Variants in SEMA6D observed in about 807,000 individuals in gnomAD.
SEMA6D encodes semaphorin-6D.
A neutral mutation model predicts 106.6 loss-of-function variants in SEMA6D; 35 were observed. The ratio of observed to expected loss-of-function variants is 0.33; its 90% CI spans 0.25 to 0.44. SEMA6D has a LOEUF of 0.44. SEMA6D is among the 20% of genes least tolerant of loss of function. SEMA6D has a pLI of 1.00. For missense variants in SEMA6D, 1,185 were observed against 1,345.9 expected, an observed-to-expected ratio of 0.88 and a Z score of 1.87; for synonymous variants, 499 against 487.7, an observed-to-expected ratio of 1.02 and a Z score of -0.31.
At chr15:47,276,639 A>G (rs138453331) in intron 1 of SEMA6D, among the ~76,000 whole-genome samples, 2,598 of 152,276 alleles carry the variant, frequency 0.017, 49 homozygotes, top group African/African-American at 0.02. Context: ...TCACTTCAAA[A>G]TATTACTGTT....
At chr15:47,513,766 C>T (rs1312069394) in intron 3 of SEMA6D, among the ~76,000 whole-genome samples, 8 of 152,132 alleles carry the variant, frequency 5.3e-5, no homozygotes, top group African/African-American at 1.4e-4. Context: ...TTCAGGATAC[C>T]GAACCAGTCA....
intron 1 of SEMA6D, among the ~76,000 whole-genome samples, chr15:47,312,231 T>C (rs1178394234): frequency 1.3e-5 from 2 of 151,826 alleles, no homozygotes; most frequent in African/African-American, 4.8e-5. Flanking sequence ...CCTTCTGTCT[T>C]TTTGTGTTTA....
At chr15:47,212,290 G>T (rs1265610088) in intron 1 of SEMA6D, among the ~76,000 whole-genome samples, 1 of 152,170 alleles carries the variant, frequency 6.6e-6, no homozygotes, top group Non-Finnish European at 1.5e-5. Context: ...CTGCTATTGG[G>T]TGGTATCTAT....
intron 1 of SEMA6D, among the ~76,000 whole-genome samples, chr15:47,401,307 G>A (rs916134669): frequency 2.0e-5 from 3 of 152,062 alleles, no homozygotes; most frequent in Non-Finnish European, 2.9e-5. Context: ...ATTTTTGAAT[G>A]TTTGACGTGT....
intron 2 of SEMA6D, among the ~76,000 whole-genome samples, chr15:47,463,403 C>T (rs1313067324): frequency 6.6e-6 from 1 of 152,160 alleles, no homozygotes; most frequent in Non-Finnish European, 1.5e-5. Flanking sequence ...TTCGTATAGC[C>T]CTGACTGCAT....
chr15:47,673,970 C>T (rs2145445091), intron 4 of SEMA6D, among the ~76,000 whole-genome samples: 1 of 152,290 alleles, frequency 6.6e-6, no homozygotes, highest in East Asian at 1.9e-4. Context: ...ATGTCATTGT[C>T]TCCTATCTGA....
chr15:47,276,147 A>G (rs753587690), intron 1 of SEMA6D, among the ~76,000 whole-genome samples: 7 of 152,126 alleles, frequency 4.6e-5, no homozygotes, highest in Non-Finnish European at 1.0e-4. Context: ...GCTCATGAGT[A>G]TTAAAGAACC....
At chr15:47,602,618 C>T (rs958866626) in intron 4 of SEMA6D, among the ~76,000 whole-genome samples, 2 of 151,934 alleles carry the variant, frequency 1.3e-5, no homozygotes, top group Non-Finnish European at 2.9e-5. Flanking sequence ...TCAGGCCACA[C>T]AACATCATTA....
chr15:47,729,781 A>C (rs1286438639), intron 1 of SEMA6D, among the ~76,000 whole-genome samples: 1 of 152,210 alleles, frequency 6.6e-6, no homozygotes, highest in Non-Finnish European at 1.5e-5. Flanking sequence ...ACACTTAGCT[A>C]ATCTCTGGTT....
chr15:47,316,089 T>C (rs2036659999), intron 1 of SEMA6D, among the ~76,000 whole-genome samples: 1 of 116,920 alleles, frequency 8.6e-6, no homozygotes, highest in African/African-American at 2.9e-5. Flanking sequence ...CCAATCAGTA[T>C]GCCATTTATT....
chr15:47,256,632 G>A (rs545688955), intron 1 of SEMA6D, among the ~76,000 whole-genome samples: 33 of 152,226 alleles, frequency 2.2e-4, no homozygotes, highest in Admixed American at 5.2e-4. Flanking sequence ...AGGCCGAGGC[G>A]GGCAGATCAT....
intron 1 of SEMA6D, among the ~76,000 whole-genome samples, chr15:47,718,083 T>C (rs563226055): frequency 6.6e-6 from 1 of 152,172 alleles, no homozygotes; most frequent in Non-Finnish European, 1.5e-5. Flanking sequence ...TAAAAGTTTC[T>C]TGCCAGGCAG....
At chr15:47,229,133 T>C (rs919518362) in intron 1 of SEMA6D, among the ~76,000 whole-genome samples, 4 of 152,026 alleles carry the variant, frequency 2.6e-5, no homozygotes, top group African/African-American at 9.7e-5. Flanking sequence ...ATGCTACTGC[T>C]TTGGGGATAC....
chr15:47,186,654 A>G (rs1310786786), intron 1 of SEMA6D, among the ~76,000 whole-genome samples: 1 of 152,110 alleles, frequency 6.6e-6, no homozygotes, highest in Non-Finnish European at 1.5e-5. Flanking sequence ...CTTGTATACC[A>G]TGTCCAACTT....
At chr15:47,641,658 C>T (rs941721544) in intron 4 of SEMA6D, among the ~76,000 whole-genome samples, 4 of 152,138 alleles carry the variant, frequency 2.6e-5, no homozygotes, top group Non-Finnish European at 5.9e-5. Context: ...TGCAGGACAT[C>T]ACAGGCTCTT....
At chr15:47,766,325 C>T (rs1442249961) in intron 15 of SEMA6D, 143 bp downstream of exon 15, 14 of 714,436 alleles carry the variant, frequency 2.0e-5, no homozygotes, top group Admixed American at 5.8e-5. Flanking sequence ...AACCAGGAGA[C>T]GTGACAAGGA....
chr15:47,316,960 A>C (rs2143440074), intron 1 of SEMA6D, among the ~76,000 whole-genome samples: 1 of 152,310 alleles, frequency 6.6e-6, no homozygotes, highest in East Asian at 1.9e-4. Flanking sequence ...CTCTGCTCTA[A>C]GTTTTGAAAG....
intron 4 of SEMA6D, among the ~76,000 whole-genome samples, chr15:47,687,052 C>A (rs2078484673): frequency 1.7e-5 from 2 of 118,782 alleles, no homozygotes; most frequent in African/African-American, 3.2e-5. Flanking sequence ...GGTGACACAG[C>A]AAGACCCTGT....
intron 1 of SEMA6D, among the ~76,000 whole-genome samples, chr15:47,386,943 G>A (rs942077122): frequency 6.6e-6 from 1 of 152,230 alleles, no homozygotes; most frequent in Non-Finnish European, 1.5e-5. Context: ...GGATGCAGTG[G>A]CAACGACGCT....
Sources: gnomAD v4.1 joint callset for allele counts (sites outside exome capture counted in the v4.1 genomes callset) on GRCh38, gnomAD v4.1.1 for gene constraint, MANE v1.5 for transcripts, NCBI Gene and HGNC (gene_info 2026-07-23, HGNC 2026-07-21) for gene names.